The following ZFP28 variants were observed in gnomAD, a reference collection of about 807,000 sequenced individuals.
The protein encoded by ZFP28 is zinc finger protein 28 homolog.
Under a neutral mutation model 39.5 loss-of-function variants are expected in ZFP28, and 31 were observed. The ratio of observed to expected loss-of-function variants is 0.79; its 90% confidence interval spans 0.59 to 1.06. The LOEUF is 1.06. Among genes scored for constraint, ZFP28 ranks in the 50% least tolerant of loss-of-function variants. The pLI is 0.00. For missense variants in ZFP28, 925 were observed against 1,048.4 expected, an observed-to-expected ratio of 0.88 and a Z score of 1.63; for synonymous variants, 400 against 378.6, an observed-to-expected ratio of 1.06 and a Z score of -0.66.
intron 4 of ZFP28, among the ~76,000 whole-genome samples, chr19:56,548,157 T>C (rs1009808604): frequency 4.6e-5 from 7 of 152,192 alleles, no homozygotes; most frequent in Non-Finnish European, 8.8e-5. Flanking sequence ...TTCTAAAGCA[T>C]TGGGAATCTT....
intron 7 of ZFP28, chr19:56,551,322 G>C (rs1052022644): frequency 2.0e-6 from 2 of 986,498 alleles, no homozygotes; most frequent in Non-Finnish European, 2.4e-6. Flanking sequence ...TTACTGTTTG[G>C]CAAAAGAATA....
chr19:56,548,033 G>A (rs1342570311), intron 4 of ZFP28, 131 bp downstream of exon 4: 2 of 762,800 alleles, frequency 2.6e-6, no homozygotes, highest in African/African-American at 3.5e-5. Context: ...TACTATTTGG[G>A]AATACAGAAA....
intron 4 of ZFP28, among the ~76,000 whole-genome samples, chr19:56,548,642 C>A (rs1412016122): frequency 6.6e-6 from 1 of 152,058 alleles, no homozygotes; most frequent in Non-Finnish European, 1.5e-5. Flanking sequence ...TTGTGAGCTC[C>A]CTTATCTCTT....
chr19:56,538,767 A>AGGGGCGGGGCGGGGCGGGGC (rs1176564398), upstream of ZFP28, among the ~76,000 whole-genome samples: 5 of 102,838 alleles, frequency 4.9e-5, no homozygotes, highest in Admixed American at 9.6e-5. Flanking sequence ...CTCTAGGCTG[A>AGGGGCGGGGCGGGGCGGGGC]GGGGCGGGGC....
chr19:56,551,963 T>C (rs1370362198), intron 7 of ZFP28: 2 of 975,698 alleles, frequency 2.0e-6, no homozygotes, highest in South Asian at 4.7e-5. Context: ...TTTAAAATTA[T>C]GACATGTAAA....
At chr19:56,550,005 A>T in intron 5 of ZFP28, 62 bp from the exon 6 acceptor site, 1 of 1,403,202 alleles carries the variant, frequency 7.1e-7, no homozygotes, top group Non-Finnish European at 9.9e-7. Flanking sequence ...AGTCCATCCC[A>T]CTGAGACCAG....
intron 7 of ZFP28, 121 bp downstream of exon 7, chr19:56,550,726 A>T (rs1305414503): frequency 6.4e-7 from 1 of 1,563,902 alleles, no homozygotes. Flanking sequence ...CTGGGTCTGG[A>T]AAGAAAATTG....
Position 56,547,268 on chromosome 19 carries a change from C to T in ZFP28, c.301-240C>T. ...CCTGTGCCTGCACACCGTGGTATCT[C>T]TTCCTGTTTTAATAAGGACACCAGA... On this transcript the variant is annotated intron_variant, in intron 2 of 7. Transcript: ENST00000301318. The surrounding 1 kb of genome is among the most constrained non-coding windows in gnomAD (Gnocchi z 4.6). 1.9e-6 allele frequency: 1 copy of T among 527,392 alleles called. No individual in the cohort carries two copies. The highest frequency in any genetic ancestry group is 3.3e-6 in the Non-Finnish European group (1 of 300,996). The allele number at this position is 527,392 out of a possible 1,614,324, so 32.7% of individuals were successfully genotyped here.
chr19:56,556,604 A>T lies in ZFP28; in HGVS notation c.*1212A>T, dbSNP rs1171156416. The T allele has an allele frequency of 6.6e-6, 1 of 152,236 alleles. No individual in the cohort carries two copies. The highest frequency in any genetic ancestry group is 1.5e-5 in the Non-Finnish European group (1 of 68,050). 9.4% of individuals were successfully genotyped at this position (152,236 alleles called of 1,614,324 possible). On this transcript the variant is annotated 3_prime_UTR_variant, in exon 8 of 8. Coordinates refer to ENST00000301318, the MANE Select transcript of ZFP28 (RefSeq NM_020828.2). ...CTGCAAATATTTCCTATCCTTTAACAGAAAGTTTGCCAACCTCTGCTCTAG... is the reference window on the plus strand; with the variant it reads ...CTGCAAATATTTCCTATCCTTTAACTGAAAGTTTGCCAACCTCTGCTCTAG...
At chr19:56,550,849 C>G in intron 7 of ZFP28, 1 of 1,455,052 alleles carries the variant, frequency 6.9e-7, no homozygotes, top group Non-Finnish European at 9.0e-7. Context: ...GTATCATCCA[C>G]TTGCTTCCTT....
chr19:56,538,797 C>A (rs961148069), upstream of ZFP28, among the ~76,000 whole-genome samples: 71,063 of 95,270 alleles, frequency 0.75, 25,776 homozygotes, highest in Middle Eastern at 0.82. Context: ...CGGGGCGGGG[C>A]GGGGCGGGGC....
intron 2 of ZFP28, chr19:56,546,443 T>C (rs1249126881): frequency 6.6e-6 from 1 of 152,192 alleles, no homozygotes; most frequent in Non-Finnish European, 1.5e-5. Context: ...ATCTTGCCAG[T>C]TGGTCAAGAA....
rs548110691 is a variant in ZFP28 at position 56,547,259 on chromosome 19, G to A, written c.301-249G>A. ...GGTCTTTTCCCTGTGCCTGCACACCGTGGTATCTCTTCCTGTTTTAATAAG... is the reference window on the plus strand; with the variant it reads ...GGTCTTTTCCCTGTGCCTGCACACCATGGTATCTCTTCCTGTTTTAATAAG... On this transcript the variant is annotated intron_variant, in intron 2 of 7. Transcript: ENST00000301318. The surrounding 1 kb of genome is among the most constrained non-coding windows in gnomAD (Gnocchi z 4.6). 2.7e-3 allele frequency: 1,321 copies of A among 486,768 alleles called. 18 individuals carry two copies. Among genetic ancestry groups the A allele is most frequent in the South Asian group, 0.018 (684 of 37,190 alleles). The allele number at this position is 486,768 out of a possible 1,614,324, so 30.2% of individuals were successfully genotyped here.
Position 56,538,985 on chromosome 19 carries a change from C to T in ZFP28, c.-34C>T. 7.3e-7 allele frequency: 1 copy of T among 1,373,844 alleles called. No individual in the cohort carries two copies. Among genetic ancestry groups the T allele is most frequent in the Non-Finnish European group, 9.4e-7 (1 of 1,067,906 alleles). The allele number at this position is 1,373,844 out of a possible 1,614,324, so 85.1% of individuals were successfully genotyped here. A position where few individuals can be genotyped will look rare whatever the true frequency, so the allele number is the denominator to read the frequency against. On this transcript the variant is annotated 5_prime_UTR_variant, in exon 1 of 8. Transcript: ENST00000301318. ...GCCAGGGGTGTGGGTCTGTGAGGGA[C>T]CGGTCGGAAGGGCGTCGCGCGGCCT...
At chr19:56,539,304 T>G (rs1392631246) in intron 1 of ZFP28, 78 bp downstream of exon 1, 1 of 1,406,030 alleles carries the variant, frequency 7.1e-7, no homozygotes, top group Non-Finnish European at 9.5e-7. Context: ...GGGGTTGGGC[T>G]CTCGGGGACC....
rs781286743 is a variant in ZFP28 at position 56,554,820 on chromosome 19, G to A, written c.2035G>A (p.Gly679Ser). ...GAAACCATATGAGTGCAAGGAATGC[G>A]GTAAAGCCTTCAGCCAGACCACACA... ...GEKPYECKEC[G>S]KAFSQTTHLI... Residue 679 changes from glycine to serine, a missense_variant, in exon 8 of 8, where the codon GGT becomes AGT. Coordinates refer to ENST00000301318, the MANE Select transcript of ZFP28 (RefSeq NM_020828.2). This position sits in a 1 kb window ranked among gnomAD's most constrained non-coding sequence, Gnocchi z 6.7. 6.2e-6 allele frequency: 10 copies of A among 1,613,866 alleles called. No homozygotes were observed. The highest frequency in any genetic ancestry group is 2.7e-5 in the African/African-American group (2 of 74,858).
chr19:56,542,226 C>T (rs2044201625), intron 2 of ZFP28, among the ~76,000 whole-genome samples: 2 of 151,940 alleles, frequency 1.3e-5, no homozygotes, highest in Admixed American at 1.3e-4. Flanking sequence ...CATCACGGCT[C>T]ACTGCAGCCT....
At chr19:56,549,917 C>T (rs2044280294) in intron 5 of ZFP28, 150 bp from the exon 6 acceptor site, 1 of 606,876 alleles carries the variant, frequency 1.6e-6, no homozygotes, top group Non-Finnish European at 3.0e-6. Context: ...TAACTAAGCC[C>T]TGTCATTATT....
At chr19:56,539,539 CT>C in intron 1 of ZFP28, 85 bp from the exon 2 acceptor site, 1 of 1,194,426 alleles carries the variant, frequency 8.4e-7, no homozygotes. Context: ...CTGATCCCAC[CT>C]TTTCATGCAG....
Sources: allele counts gnomAD v4.1 joint callset (sites outside exome capture counted in the v4.1 genomes callset), GRCh38; gene constraint gnomAD v4.1.1; non-coding constraint Gnocchi (gnomAD v3.1); transcripts MANE v1.5; gene names NCBI Gene and HGNC (gene_info 2026-07-23, HGNC 2026-07-21).